Variants in CLVS1 observed in about 807,000 individuals in gnomAD.
The protein encoded by CLVS1 is clavesin-1.
CLVS1 carries 10 observed loss-of-function variants against 33.1 expected under a neutral mutation model. The ratio of observed to expected loss-of-function variants is 0.30; its 90% confidence interval spans 0.19 to 0.51. CLVS1 has a LOEUF of 0.51. Among genes scored for constraint, CLVS1 ranks in the 20% least tolerant of loss-of-function variants. The pLI, the probability that CLVS1 is intolerant of heterozygous loss-of-function variation, is 0.97. For missense variants in CLVS1, 343 were observed against 433.4 expected (o/e 0.79, Z 1.85); for synonymous variants, 163 against 166.1 (o/e 0.98, Z 0.14).
At chr8:61,152,259 G>A (rs962419727) in intron 2 of CLVS1, among the ~76,000 whole-genome samples, 2 of 152,170 alleles carry the variant, frequency 1.3e-5, no homozygotes, top group South Asian at 2.1e-4. Flanking sequence ...CATGGCAGAG[G>A]GAGAGCACAA....
chr8:60,967,243 GGAACTTACATATGAAACAAGA>G, the CLVS1 span, among the ~76,000 whole-genome samples: 1 of 152,086 alleles, frequency 6.6e-6, no homozygotes, highest in African/African-American at 2.4e-5. Context: ...CATGCAGATT[GGAACTTACATATGAAACAAGA>G]GCATGCAATT....
rs375349310 is a variant in CLVS1, at chr8:61,372,538, C to T, written c.456-4067C>T. Among the ~76,000 whole-genome samples the T allele has an allele frequency of 5.3e-5, 8 of 151,780 alleles. No homozygotes were observed. The South Asian group carries it at 8.3e-4, about 16-fold the overall frequency. ...TTATAGTAGTACAGTGTTACTGTTA[C>T]GACTAATGAACCATTATTAATACGT... On this transcript the variant is annotated intron_variant, in intron 2 of 5. Transcript: ENST00000325897.
At chr8:61,407,844 G>T (rs1585927139) in intron 3 of CLVS1, among the ~76,000 whole-genome samples, 1 of 152,312 alleles carries the variant, frequency 6.6e-6, no homozygotes, top group African/African-American at 2.4e-5. Flanking sequence ...CCAAGCCAGA[G>T]TCTTTTCTTT....
intron 2 of CLVS1, among the ~76,000 whole-genome samples, chr8:61,192,220 C>T (rs1020855358): frequency 2.6e-5 from 4 of 152,084 alleles, no homozygotes; most frequent in Non-Finnish European, 1.5e-5. Context: ...AGAAATAATA[C>T]CACACATCTA....
intron 1 of CLVS1, among the ~76,000 whole-genome samples, chr8:61,120,980 CG>C (rs1471698005): frequency 3.3e-5 from 5 of 150,050 alleles, no homozygotes; most frequent in African/African-American, 1.2e-4. Context: ...GCCTCGCTGC[CG>C]CCTTGTAGTT....
chr8:61,114,834 C>T (rs188388490), intron 1 of CLVS1, among the ~76,000 whole-genome samples: 31 of 152,302 alleles, frequency 2.0e-4, no homozygotes, highest in African/African-American at 7.2e-4. Context: ...ACATACTACT[C>T]TCCTTCTATT....
chr8:61,045,445 C>A, the CLVS1 span, among the ~76,000 whole-genome samples: 1 of 152,106 alleles, frequency 6.6e-6, no homozygotes, highest in African/African-American at 2.4e-5. Context: ...GTGCAGACAA[C>A]CATGGGATCT....
At chr8:61,332,252 G>A (rs1224340881) in intron 2 of CLVS1, among the ~76,000 whole-genome samples, 2 of 152,090 alleles carry the variant, frequency 1.3e-5, no homozygotes, top group Non-Finnish European at 2.9e-5. Context: ...TGCTGTACTT[G>A]GCATCCTGAA....
chr8:61,459,053 T>G (rs769808598), intron 5 of CLVS1, among the ~76,000 whole-genome samples: 8 of 152,146 alleles, frequency 5.3e-5, no homozygotes, highest in Non-Finnish European at 1.0e-4. Context: ...GCAGGCGACA[T>G]TCAGTCTGAG....
At chr8:61,256,995 T>C (rs1585727517) in intron 2 of CLVS1, among the ~76,000 whole-genome samples, 1 of 152,358 alleles carries the variant, frequency 6.6e-6, no homozygotes, top group African/African-American at 2.4e-5. Context: ...TTTGGGGTGA[T>C]GTTTCCCATG....
rs1381242657 is a variant in CLVS1 at position 61,500,743 on chromosome 8, G to GTAT, written c.*1203_*1205dup. 7 of 152,096 alleles carry GTAT rather than the reference G, an allele frequency of 4.6e-5. No individual in the cohort carries two copies. The highest frequency in any genetic ancestry group is 2.1e-4 in the South Asian group (1 of 4,818). 9.4% of individuals were successfully genotyped at this position (152,096 alleles called of 1,614,324 possible). ...TCGCCCAGCCATCTGCATGACATGG[G>GTAT]TATTTATTAGTATTACCAGTTGGTG... On this transcript the variant is annotated 3_prime_UTR_variant, in exon 6 of 6. Transcript: ENST00000325897.
intron 2 of CLVS1, among the ~76,000 whole-genome samples, chr8:61,264,198 C>G (rs1032438485): frequency 2.0e-5 from 3 of 152,006 alleles, no homozygotes; most frequent in Non-Finnish European, 4.4e-5. Context: ...CCCTCTGTAT[C>G]TCTCTGGGTG....
chr8:61,092,352 G>A (rs1309002241), intron 1 of CLVS1, among the ~76,000 whole-genome samples: 1 of 152,218 alleles, frequency 6.6e-6, no homozygotes, highest in East Asian at 1.9e-4. Context: ...GCAACAGCAG[G>A]ACTCTGCTTC....
chr8:61,162,003 A>ACC (rs776475294), intron 2 of CLVS1, among the ~76,000 whole-genome samples: 60,042 of 151,522 alleles, frequency 0.4, 14,813 homozygotes, highest in Middle Eastern at 0.64. Flanking sequence ...CAAAAAAAAA[A>ACC]AACGTAGTGT....
chr8:61,309,461 T>C (rs1810758132), intron 2 of CLVS1, among the ~76,000 whole-genome samples: 1 of 152,154 alleles, frequency 6.6e-6, no homozygotes, highest in Non-Finnish European at 1.5e-5. Flanking sequence ...CCTCAGGCAT[T>C]AAATGATGAA....
intron 3 of CLVS1, among the ~76,000 whole-genome samples, chr8:61,413,443 G>T (rs1287107494): frequency 6.6e-6 from 1 of 152,092 alleles, no homozygotes; most frequent in Non-Finnish European, 1.5e-5. Context: ...TTACATACAG[G>T]GGAAAGAGTC....
rs570615236 is a variant in CLVS1 at position 61,068,051 on chromosome 8, G to A, written c.-243+10821G>A. Among the ~76,000 whole-genome samples, 26 of 151,576 alleles carry A rather than the reference G, an allele frequency of 1.7e-4. 1 individual carries two copies. The South Asian group carries it at 5.2e-3, about 31-fold the overall frequency. ...ATTTTAAAAAAAATTAGCAGGTGTG[G>A]TGGCTAGCTCCTAGGGAGGCTGATG... is the stretch of plus-strand genomic sequence containing the variant. On this transcript the variant is annotated intron_variant, in intron 1 of 2. Transcript: ENST00000522621.
At chr8:61,223,071 C>T (rs1324595904) in intron 2 of CLVS1, among the ~76,000 whole-genome samples, 1 of 150,670 alleles carries the variant, frequency 6.6e-6, no homozygotes, top group Admixed American at 6.6e-5. Context: ...CTGTGTGTGT[C>T]TTTGCACATA....
intron 1 of CLVS1, among the ~76,000 whole-genome samples, chr8:61,097,281 G>C (rs1805368851): frequency 6.6e-6 from 1 of 151,140 alleles, no homozygotes; most frequent in Non-Finnish European, 1.5e-5. Context: ...AACAGAGTGA[G>C]ACTCCATCTC....
Sources: gnomAD v4.1 joint callset for allele counts (sites outside exome capture counted in the v4.1 genomes callset) on GRCh38, gnomAD v4.1.1 for gene constraint, MANE v1.5 for transcripts, NCBI Gene and HGNC (gene_info 2026-07-23, HGNC 2026-07-21) for gene names.